Variants in CNTN6 observed in about 807,000 individuals in gnomAD.
The protein encoded by CNTN6 is contactin-6.
A neutral mutation model predicts 122.8 loss-of-function variants in CNTN6; 137 were observed. That is an observed-to-expected ratio of 1.12 (90% CI 0.97 to 1.29). CNTN6 has a LOEUF of 1.29. Ranked by LOEUF, CNTN6 falls within the 50% of genes most tolerant of loss-of-function variation. The probability of loss-of-function intolerance (pLI) is 0.00; values close to 1 mark genes in which losing one functional copy is unlikely to be tolerated. For synonymous variants in CNTN6, 570 were observed against 426.0 expected (o/e 1.34, Z -4.16); for missense variants, 1,634 against 1,223.4 (o/e 1.34, Z -5.01).
intron 11 of CNTN6, among the ~76,000 whole-genome samples, chr3:1,347,099 C>T (rs970015974): frequency 3.3e-5 from 5 of 152,084 alleles, no homozygotes; most frequent in African/African-American, 1.2e-4. Context: ...ATTCTAAAGC[C>T]ACTATAAAAT....
intron 8 of CNTN6, among the ~76,000 whole-genome samples, chr3:1,323,361 C>T (rs750823095): frequency 2.6e-5 from 4 of 151,742 alleles, no homozygotes; most frequent in Non-Finnish European, 4.4e-5. Context: ...GTGGTCTAAG[C>T]TCATTGTACT....
At chr3:1,179,135 G>C (rs2093507849) in intron 2 of CNTN6, among the ~76,000 whole-genome samples, 1 of 152,012 alleles carries the variant, frequency 6.6e-6, no homozygotes, top group East Asian at 1.9e-4. Context: ...ACAGGGGGAA[G>C]GTATCAGGCT....
Position 1,330,022 on chromosome 3 carries a change from T to C in CNTN6, c.1364+87T>C, listed in dbSNP as rs75600553. 33 of 1,015,230 alleles carry C rather than the reference T, an allele frequency of 3.3e-5. No homozygotes were observed. The African/African-American group carries it at 5.0e-4, about 15-fold the overall frequency. The allele number at this position is 1,015,230 out of a possible 1,614,324, so 62.9% of individuals were successfully genotyped here. On this transcript the variant is annotated intron_variant, in intron 11 of 22. Transcript: ENST00000446702. ...AGGTTTTAGTAGGCCTTTCAAAATT[T>C]CCTCTTTTATGATAAAGTCTCATTG...
chr3:1,289,814 A>G (rs1379763494), intron 5 of CNTN6, among the ~76,000 whole-genome samples: 2 of 151,844 alleles, frequency 1.3e-5, no homozygotes, highest in Non-Finnish European at 2.9e-5. Flanking sequence ...AGCTGGGACT[A>G]CAGGTGCCCA....
intron 2 of CNTN6, among the ~76,000 whole-genome samples, chr3:1,179,169 A>G (rs1049552409): frequency 1.3e-5 from 2 of 152,100 alleles, no homozygotes. Flanking sequence ...CAAATCTTGC[A>G]TAAACTCATT....
chr3:1,193,790 T>C (rs924694485), intron 2 of CNTN6, among the ~76,000 whole-genome samples: 4 of 152,130 alleles, frequency 2.6e-5, no homozygotes, highest in East Asian at 1.9e-4. Flanking sequence ...TCAATCATCA[T>C]TGCCTTCCCA....
chr3:1,152,651 A>G (rs1333343416), intron 2 of CNTN6, among the ~76,000 whole-genome samples: 5 of 152,166 alleles, frequency 3.3e-5, no homozygotes. Context: ...TCACCTTACC[A>G]TGGCTTTTAT....
intron 1 of CNTN6, among the ~76,000 whole-genome samples, chr3:1,100,841 A>T (rs566424530): frequency 1.3e-5 from 2 of 152,196 alleles, no homozygotes; most frequent in African/African-American, 4.8e-5. Context: ...AAAAAATTTC[A>T]GTAAGTTTAT....
chr3:1,095,315 A>C (rs1319085456), intron 1 of CNTN6, among the ~76,000 whole-genome samples: 1 of 152,092 alleles, frequency 6.6e-6, no homozygotes, highest in African/African-American at 2.4e-5. Flanking sequence ...TACTAAAAAT[A>C]CAAAAATTAG....
At chr3:1,101,868 G>A (rs893858754) in intron 1 of CNTN6, among the ~76,000 whole-genome samples, 17 of 152,174 alleles carry the variant, frequency 1.1e-4, no homozygotes, top group African/African-American at 4.1e-4. Flanking sequence ...TTAATGGTAT[G>A]CAAATTCTTA....
At chr3:1,275,800 TA>T (rs770359759) in intron 4 of CNTN6, among the ~76,000 whole-genome samples, 36 of 121,322 alleles carry the variant, frequency 3.0e-4, no homozygotes, top group Non-Finnish European at 7.0e-4. Flanking sequence ...ACTGCTGATC[TA>T]ACAGGGGGCA....
intron 20 of CNTN6, among the ~76,000 whole-genome samples, chr3:1,393,685 C>T (rs1384356465): frequency 6.7e-6 from 1 of 149,814 alleles, no homozygotes; most frequent in African/African-American, 2.5e-5. Flanking sequence ...GGTAGACTGA[C>T]AGACATTTTA....
At chr3:1,302,246 A>AT (rs34920969) in intron 7 of CNTN6, among the ~76,000 whole-genome samples, 12 of 152,020 alleles carry the variant, frequency 7.9e-5, no homozygotes, top group Admixed American at 2.0e-4. Flanking sequence ...GGTTTTAGTC[A>AT]TTTTTTTCCC....
rs1367610211 is a variant in CNTN6, at chr3:1,373,975, G to A, written c.1997G>A (p.Ser666Asn). 6.2e-7 allele frequency: 1 copy of A among 1,613,266 alleles called. No individual in the cohort carries two copies. The highest frequency in any genetic ancestry group is 8.5e-7 in the Non-Finnish European group (1 of 1,179,432). ...KTYNATVVGL[S>N]PWVEYEFRVV... Reference sequence around the variant, plus strand: ...TACAATGCAACAGTGGTTGGTTTGAGTCCTTGGGTGGAATATGAATTTCGT... The same window carrying A: ...TACAATGCAACAGTGGTTGGTTTGAATCCTTGGGTGGAATATGAATTTCGT... Residue 666 changes from serine (S) to asparagine (N), a missense_variant, in exon 16 of 23, where the codon AGT becomes AAT. By Grantham distance (46) the Ser-to-Asn change is conservative (BLOSUM62 1). Coordinates refer to ENST00000446702, the MANE Select transcript of CNTN6 (RefSeq NM_001289080.2).
chr3:1,371,611 T>G (rs180675755), intron 12 of CNTN6, among the ~76,000 whole-genome samples: 84 of 152,212 alleles, frequency 5.5e-4, no homozygotes, highest in African/African-American at 1.9e-3. Context: ...CACCCTGGGA[T>G]TGTCCTTTGA....
chr3:1,165,452 G>C (rs1004817104), intron 2 of CNTN6, among the ~76,000 whole-genome samples: 1 of 152,088 alleles, frequency 6.6e-6, no homozygotes, highest in South Asian at 2.1e-4. Flanking sequence ...GAACCAGATA[G>C]ATTCTTCTCA....
At chr3:1,188,656 A>C (rs368298596) in intron 2 of CNTN6, among the ~76,000 whole-genome samples, 12 of 152,346 alleles carry the variant, frequency 7.9e-5, no homozygotes, top group African/African-American at 2.4e-4. Context: ...TAACACTGTA[A>C]TATCAAAAGT....
At chr3:1,394,480 A>C (rs1331455308) in intron 20 of CNTN6, 1 of 156,262 alleles carries the variant, frequency 6.4e-6, no homozygotes, top group African/African-American at 2.4e-5. Context: ...GTGCCGAGGA[A>C]GGGGCTTCTG....
chr3:1,388,663 G>GA (rs1481173593), intron 20 of CNTN6, among the ~76,000 whole-genome samples: 1 of 145,114 alleles, frequency 6.9e-6, no homozygotes, highest in Non-Finnish European at 1.5e-5. Context: ...TGAAAACTTT[G>GA]AAAAAAATTT....
Sources: gnomAD v4.1 joint callset for allele counts (sites outside exome capture counted in the v4.1 genomes callset) on GRCh38, gnomAD v4.1.1 for gene constraint, MANE v1.5 for transcripts, NCBI Gene and HGNC (gene_info 2026-07-23, HGNC 2026-07-21) for gene names.